Variants in PCDHGB3 observed in about 807,000 individuals in gnomAD.
The protein encoded by PCDHGB3 is protocadherin gamma-B3.
Under a neutral mutation model 59.2 loss-of-function variants are expected in PCDHGB3, and 40 were observed. The ratio of observed to expected loss-of-function variants is 0.68; its 90% CI spans 0.52 to 0.88. The LOEUF is 0.88. Ranked by LOEUF, PCDHGB3 falls within the 40% of genes least tolerant of loss-of-function variation. The pLI is 0.00. For missense variants in PCDHGB3, 1,309 were observed against 1,187.9 expected, an observed-to-expected ratio of 1.10 and a Z score of -1.50; for synonymous variants, 581 against 503.6, an observed-to-expected ratio of 1.15 and a Z score of -2.06.
intron 1 of PCDHGB3, chr5:141,428,358 G>C: frequency 1.8e-6 from 1 of 565,492 alleles, no homozygotes; most frequent in South Asian, 1.9e-5. Context: ...TGATTTTGGC[G>C]GTCGCCTTGC....
At chr5:141,467,393 T>C (rs1409255781) in intron 1 of PCDHGB3, among the ~76,000 whole-genome samples, 3 of 152,124 alleles carry the variant, frequency 2.0e-5, no homozygotes, top group African/African-American at 7.2e-5. Flanking sequence ...TTTTAAGTCA[T>C]AGTTAGAAAG....
chr5:141,407,088 GT>G lies in PCDHGB3; in HGVS notation c.2415+34283del, dbSNP rs571130014. Among the ~76,000 whole-genome samples, 18 of 152,174 alleles carry G rather than the reference GT, an allele frequency of 1.2e-4. No individual in the cohort carries two copies. The East Asian group carries it at 3.5e-3, about 29-fold the overall frequency. On this transcript the variant is annotated intron_variant, in intron 1 of 3. Coordinates refer to ENST00000576222, the MANE Select transcript of PCDHGB3 (RefSeq NM_018924.5). ...GGCATTTCTGTGGAAATGAAGAATT[GT>G]TTTATTTGTTTGTAATTATTTGGGT...
intron 1 of PCDHGB3, chr5:141,422,936 C>T: frequency 6.2e-7 from 1 of 1,614,260 alleles, no homozygotes; most frequent in Non-Finnish European, 8.5e-7. Flanking sequence ...GCCCTCCCCA[C>T]AGACGGCTCC....
intron 1 of PCDHGB3, chr5:141,391,218 T>A (rs1486850229): frequency 1.3e-5 from 2 of 152,172 alleles, no homozygotes; most frequent in South Asian, 2.1e-4. Flanking sequence ...AGGAACATTA[T>A]ATGAGCCTTT....
At position 141,476,645 on chromosome 5, in the gene PCDHGB3, A is replaced by G. The variant is rs150444699; in HGVS notation, c.2416-18162A>G. The G allele has an allele frequency of 1.2e-4, 199 of 1,614,128 alleles. No homozygotes were observed. Among genetic ancestry groups the G allele is most frequent in the Non-Finnish European group, 1.6e-4 (194 of 1,180,060 alleles). ...TTTACAAACCTATGAGCTGAGCCGA[A>G]ATGAATACTTTGCGCTTCGCGTGCA... On this transcript the variant is annotated intron_variant, in intron 1 of 3. Transcript: ENST00000576222. The surrounding 1 kb of genome is among the most constrained non-coding windows in gnomAD (Gnocchi z 7.6).
In PCDHGB3 at chr5:141,490,455, G is replaced by A. The variant is rs746957706; in HGVS notation, c.2416-4352G>A. The A allele has an allele frequency of 9.3e-6, 15 of 1,614,010 alleles. No individual in the cohort carries two copies. The highest frequency in any genetic ancestry group is 2.2e-5 in the South Asian group (2 of 91,084). ...TTAAGCCTTCTGAGAACCACTACTC[G>A]CTGCTAACCAGCCAGCCTTTGGACC... On this transcript the variant is annotated intron_variant, in intron 1 of 3. Coordinates refer to ENST00000576222, the MANE Select transcript of PCDHGB3 (RefSeq NM_018924.5). The surrounding 1 kb of genome is among the most constrained non-coding windows in gnomAD (Gnocchi z 5.4).
intron 1 of PCDHGB3, among the ~76,000 whole-genome samples, chr5:141,424,873 A>G (rs549945556): frequency 3.9e-5 from 6 of 152,198 alleles, no homozygotes; most frequent in Non-Finnish European, 8.8e-5. Context: ...CAAATGAGGA[A>G]AGGAGACTTA....
At chr5:141,470,139 A>AT (rs146570937) in intron 1 of PCDHGB3, among the ~76,000 whole-genome samples, 7,047 of 152,316 alleles carry the variant, frequency 0.046, 200 homozygotes, top group Middle Eastern at 0.092. Flanking sequence ...AAAAAAAAAG[A>AT]TCATAGATCA....
At position 141,409,480 on chromosome 5, in the gene PCDHGB3, CAG is replaced by C. The variant is rs761811893; in HGVS notation, c.2415+36672_2415+36673del. 9 of 1,614,002 alleles carry C rather than the reference CAG, an allele frequency of 5.6e-6. No homozygotes were observed. In the Admixed American group the frequency reaches 8.3e-5, roughly 15 times the overall value. On this transcript the variant is annotated intron_variant, in intron 1 of 3. Transcript: ENST00000576222. ...ACAATGTCACCATCGTAGCCACTGA[CAG>C]GGGCAAGCCGCCTCTTTCTTCCAGT...
At position 141,371,628 on chromosome 5, in the gene PCDHGB3, C is replaced by A. The variant is rs1247615659; in HGVS notation, c.1234C>A (p.Arg412=). 1.2e-6 allele frequency: 2 copies of A among 1,614,008 alleles called. No homozygotes were observed. Among genetic ancestry groups the A allele is most frequent in the South Asian group, 1.1e-5 (1 of 91,082 alleles). ...YRLVTDGALD[R]EQIPEYNVTI... is the part of the protein sequence containing the mutation. Reference sequence around the variant, plus strand: ...GTTGGTGACAGATGGAGCCCTGGACCGGGAGCAGATCCCAGAATACAATGT... The same window carrying A: ...GTTGGTGACAGATGGAGCCCTGGACAGGGAGCAGATCCCAGAATACAATGT... The change falls in exon 1 of 4, where the codon CGG becomes AGG. Residue 412 remains arginine, a synonymous_variant. Transcript: ENST00000576222.
At chr5:141,448,480 C>A (rs889742803) in intron 1 of PCDHGB3, among the ~76,000 whole-genome samples, 1 of 152,184 alleles carries the variant, frequency 6.6e-6, no homozygotes, top group Admixed American at 6.6e-5. Flanking sequence ...ACCCTTGCTT[C>A]CTCCTGTCCC....
intron 1 of PCDHGB3, chr5:141,418,346 A>G (rs780933957): frequency 1.7e-5 from 27 of 1,614,022 alleles, no homozygotes; most frequent in South Asian, 2.2e-5. Flanking sequence ...TCCTGATATT[A>G]GTATGAATTC....
At chr5:141,506,444 CAAAA>C (rs1219684339) in intron 3 of PCDHGB3, among the ~76,000 whole-genome samples, 5 of 95,022 alleles carry the variant, frequency 5.3e-5, no homozygotes, top group Admixed American at 1.1e-4. Context: ...CGCTCTGTCT[CAAAA>C]AAAAAAAAAA....
chr5:141,377,884 G>C (rs975063251), intron 1 of PCDHGB3: 1 of 152,112 alleles, frequency 6.6e-6, no homozygotes, highest in Non-Finnish European at 1.5e-5. Flanking sequence ...ATCAGAGATA[G>C]GATCCCCCTC....
chr5:141,395,654 A>G (rs1462491005), intron 1 of PCDHGB3: 1 of 164,436 alleles, frequency 6.1e-6, no homozygotes, highest in Admixed American at 6.1e-5. Context: ...AGCTTAGCAA[A>G]AGTAAAATAT....
At position 141,418,775 on chromosome 5, in the gene PCDHGB3, C is replaced by T. The variant is rs773519128; in HGVS notation, c.2415+45966C>T. 4 of 1,613,764 alleles carry T rather than the reference C, an allele frequency of 2.5e-6. No individual in the cohort carries two copies. In the East Asian group the frequency reaches 6.7e-5, roughly 27 times the overall value. ...TACAGGAAACATTCTAACTCAGCAG[C>T]CTTTGGATTTTGAAGAAGTAGAAAG... On this transcript the variant is annotated intron_variant, in intron 1 of 3. Transcript: ENST00000576222.
chr5:141,419,591 G>A lies in PCDHGB3; in HGVS notation c.2415+46782G>A, dbSNP rs574335266. The A allele has an allele frequency of 2.2e-5, 35 of 1,611,826 alleles. No individual in the cohort carries two copies. The African/African-American group carries it at 4.0e-4, about 18-fold the overall frequency. On this transcript the variant is annotated intron_variant, in intron 1 of 3. Coordinates refer to ENST00000576222, the MANE Select transcript of PCDHGB3 (RefSeq NM_018924.5). ...CGACGGCTCCGCGCTCTTCGACACA[G>A]TGCCGCGGGCCGCGCAGCCAGGCTA...
rs1429860093 is a variant in PCDHGB3, at chr5:141,487,828, C to A, written c.2416-6979C>A. 3 of 1,184,120 alleles carry A rather than the reference C, an allele frequency of 2.5e-6. No individual in the cohort carries two copies. The highest frequency in any genetic ancestry group is 1.5e-5 in the African/African-American group (1 of 64,540). The allele number at this position is 1,184,120 out of a possible 1,614,324, so 73.4% of individuals were successfully genotyped here. A position where few individuals can be genotyped will look rare whatever the true frequency, so the allele number is the denominator to read the frequency against. ...AGTTTAGCATTGGGGGCGGGTCATG[C>A]CTATATCTGAGTAAGAAATGAAAGT... On this transcript the variant is annotated intron_variant, in intron 1 of 3. Coordinates refer to ENST00000576222, the MANE Select transcript of PCDHGB3 (RefSeq NM_018924.5). The surrounding 1 kb of genome is among the most constrained non-coding windows in gnomAD (Gnocchi z 5.0).
Position 141,372,737 on chromosome 5 carries a change from A to G in PCDHGB3, c.2343A>G (p.Leu781=), listed in dbSNP as rs1451601916. ...AAAATGCTGCACCACAAGATCTTCT[A>G]TGTGATGAAGCCTCTTGGTTTGAAA... ...KAENAAPQDL[L]CDEASWFESN... The change falls in exon 1 of 4, where the codon CTA becomes CTG. Residue 781 remains leucine (L), a synonymous_variant. Transcript: ENST00000576222. The G allele has an allele frequency of 6.2e-7, 1 of 1,613,388 alleles. No homozygotes were observed. The highest frequency in any genetic ancestry group is 1.3e-5 in the African/African-American group (1 of 75,046).
Sources: gnomAD v4.1 joint callset for allele counts (sites outside exome capture counted in the v4.1 genomes callset) on GRCh38, gnomAD v4.1.1 for gene constraint, Gnocchi (gnomAD v3.1) non-coding constraint, MANE v1.5 for transcripts, NCBI Gene and HGNC (gene_info 2026-07-23, HGNC 2026-07-21) for gene names.